DPYS: variants seen among roughly 807,000 people sequenced by gnomAD.
DPYS encodes the protein dihydropyrimidine amidohydrolase.
DPYS carries 39 observed loss-of-function variants against 50.3 expected under a neutral mutation model. The observed-to-expected ratio is 0.78, with a 90% confidence interval of 0.60 to 1.01. The LOEUF (loss-of-function observed/expected upper bound fraction) is 1.01. Among genes scored for constraint, DPYS ranks in the 50% least tolerant of loss-of-function variants. The pLI is 0.00. For synonymous variants in DPYS, 245 were observed against 250.7 expected (o/e 0.98, Z 0.22); for missense variants, 659 against 680.9 (o/e 0.97, Z 0.36).
intron 4 of DPYS, among the ~76,000 whole-genome samples, chr8:104,429,977 C>T (rs959354216): frequency 1.3e-5 from 2 of 152,102 alleles, no homozygotes; most frequent in African/African-American, 4.8e-5. Context: ...GGTACAAGAG[C>T]CATTCTAATG....
In DPYS at chr8:104,417,018, CTA is replaced by C. The variant is rs3838709; in HGVS notation, c.1235+7227_1235+7228del. ...AATATAAAGTTAAATTCATTTATCT[CTA>C]TCTTCAATGAGAAAAGGAAGGAAAT... is the stretch of plus-strand genomic sequence containing the variant. On this transcript the variant is annotated intron_variant, in intron 7 of 9. Coordinates refer to ENST00000351513, the MANE Select transcript of DPYS (RefSeq NM_001385.3). 2.1e-4 allele frequency among the ~76,000 whole-genome samples: 32 copies of C among 152,270 alleles called. 1 individual carries two copies. The East Asian group carries it at 6.2e-3, about 29-fold the overall frequency.
intron 1 of DPYS, among the ~76,000 whole-genome samples, chr8:104,459,757 T>C (rs1317152738): frequency 3.9e-5 from 6 of 152,220 alleles, no homozygotes; most frequent in African/African-American, 1.4e-4. Flanking sequence ...CCAGGGAAGA[T>C]TGACTTATCA....
intron 7 of DPYS, 194 bp downstream of exon 7, chr8:104,424,053 T>C: frequency 1.8e-5 from 18 of 984,654 alleles, no homozygotes; most frequent in Non-Finnish European, 2.1e-5. Context: ...AACTTCTACA[T>C]CCTCTATGCC....
At chr8:104,380,276 A>G (rs1474343562) in intron 9 of DPYS, among the ~76,000 whole-genome samples, 1 of 152,242 alleles carries the variant, frequency 6.6e-6, no homozygotes, top group African/African-American at 2.4e-5. Flanking sequence ...GTAGAAAACC[A>G]GACCGTTGTC....
chr8:104,417,561 T>C (rs764233290), intron 7 of DPYS, among the ~76,000 whole-genome samples: 19 of 152,208 alleles, frequency 1.2e-4, no homozygotes, highest in African/African-American at 4.8e-5. Flanking sequence ...GACATTCAGA[T>C]ATGGAAAACG....
At chr8:104,429,761 C>T in intron 4 of DPYS, 60 bp from the exon 5 acceptor site, 1 of 1,598,918 alleles carries the variant, frequency 6.3e-7, no homozygotes. Context: ...GACCATATGA[C>T]AAACACATAA....
rs1025331701 is a variant in DPYS, at chr8:104,392,936, T to C, written c.1291A>G (p.Met431Val). 2 of 1,614,114 alleles carry C rather than the reference T, an allele frequency of 1.2e-6. No homozygotes were observed. The highest frequency in any genetic ancestry group is 1.7e-6 in the Non-Finnish European group (2 of 1,180,052). Residue 431 changes from methionine to valine, a missense_variant, in exon 8 of 10, where the codon ATG becomes GTG. Physicochemically the swap from Met to Val is conservative, Grantham distance 21 (BLOSUM62 1). Coordinates refer to ENST00000351513, the MANE Select transcript of DPYS (RefSeq NM_001385.3). Reference sequence around the variant, plus strand: ...ACAAGGGGCACCCCGTGGCAAACCATGCCCTCGAAAATGTTGAAGTTAACA... The same window carrying C: ...ACAAGGGGCACCCCGTGGCAAACCACGCCCTCGAAAATGTTGAAGTTAACA... ...QAVNFNIFEG[M>V]VCHGVPLVTI...
chr8:104,451,290 A>G lies in DPYS; in HGVS notation c.379T>C (p.Cys127Arg). The G allele has an allele frequency of 6.2e-7, 1 of 1,614,176 alleles. No individual in the cohort carries two copies. The highest frequency in any genetic ancestry group is 8.5e-7 in the Non-Finnish European group (1 of 1,180,022). The change falls in exon 2 of 10, where the codon TGC becomes CGC. Residue 127 changes from cysteine to arginine, a missense_variant. By Grantham distance (180) the Cys-to-Arg change is radical. Coordinates refer to ENST00000351513, the MANE Select transcript of DPYS (RefSeq NM_001385.3). ...WRSWADPKVC[C>R]DYSLHVAVTW... ...ACTGCCACATGAAGGCTGTAGTCGC[A>G]GCAAACTTTGGGATCAGCCCAGCTT... is the stretch of plus-strand genomic sequence containing the variant.
intron 9 of DPYS, chr8:104,380,873 CCT>C (rs1468224120): frequency 4.0e-6 from 1 of 248,520 alleles, no homozygotes; most frequent in Non-Finnish European, 8.0e-6. Context: ...AATTATACTC[CCT>C]GTCTTAAGTA....
chr8:104,430,139 C>T (rs2140649756), intron 4 of DPYS, among the ~76,000 whole-genome samples: 1 of 152,136 alleles, frequency 6.6e-6, no homozygotes, highest in South Asian at 2.1e-4. Flanking sequence ...AATTTGACTC[C>T]AGTGGTTCTA....
chr8:104,430,802 C>A (rs1004553041), intron 4 of DPYS, among the ~76,000 whole-genome samples: 1 of 152,122 alleles, frequency 6.6e-6, no homozygotes, highest in African/African-American at 2.4e-5. Context: ...AACCAAGTAT[C>A]AATAAAAGTT....
Position 104,451,315 on chromosome 8 carries a change from T to C in DPYS, c.354A>G (p.Arg118=). 6.2e-7 allele frequency: 1 copy of C among 1,614,166 alleles called. No individual in the cohort carries two copies. The highest frequency in any genetic ancestry group is 8.5e-7 in the Non-Finnish European group (1 of 1,180,016). ...GSLIEAFETW[R]SWADPKVCCD... ...AGCAAACTTTGGGATCAGCCCAGCT[T>C]CGCCAGGTCTCGAAGGCCTCAATGA... The change falls in exon 2 of 10, where the codon CGA becomes CGG. Residue 118 remains arginine (R), a synonymous_variant. Coordinates refer to ENST00000351513, the MANE Select transcript of DPYS (RefSeq NM_001385.3).
At chr8:104,399,482 CTGAGA>C (rs1811715739) in intron 7 of DPYS, among the ~76,000 whole-genome samples, 1 of 152,012 alleles carries the variant, frequency 6.6e-6, no homozygotes, top group Non-Finnish European at 1.5e-5. Flanking sequence ...CTATCCCATC[CTGAGA>C]CATGCAGGAG....
chr8:104,433,591 G>A, intron 4 of DPYS, among the ~76,000 whole-genome samples: 1 of 152,068 alleles, frequency 6.6e-6, no homozygotes, highest in East Asian at 1.9e-4. Flanking sequence ...CCAAGGTCAT[G>A]CCACTGAACT....
In DPYS at chr8:104,381,253, G is replaced by T; in HGVS notation, c.1505C>A (p.Ser502Tyr). The T allele has an allele frequency of 1.2e-6, 2 of 1,613,948 alleles. No individual in the cohort carries two copies. Among genetic ancestry groups the T allele is most frequent in the Non-Finnish European group, 1.7e-6 (2 of 1,180,026 alleles). Residue 502 changes from serine (S) to tyrosine (Y), a missense_variant, in exon 9 of 10, where the codon TCC becomes TAC. Ser to Tyr is a moderately radical substitution (Grantham distance 144). Coordinates refer to ENST00000351513, the MANE Select transcript of DPYS (RefSeq NM_001385.3). Reference protein sequence around the residue: ...PYKGEVATLKSRVTKEDATAG... With the variant: ...PYKGEVATLKYRVTKEDATAG... Reference sequence around the variant, plus strand: ...TGTGGCATCTTCTTTTGTCACTCTGGATTTCAGTGTGGCGACTTCTCCCTT... The same window carrying T: ...TGTGGCATCTTCTTTTGTCACTCTGTATTTCAGTGTGGCGACTTCTCCCTT...
At chr8:104,382,284 G>A (rs1472552331) in intron 8 of DPYS, among the ~76,000 whole-genome samples, 1 of 151,436 alleles carries the variant, frequency 6.6e-6, no homozygotes, top group Non-Finnish European at 1.5e-5. Context: ...GGAAATGGGG[G>A]GACTCCTGCC....
intron 4 of DPYS, among the ~76,000 whole-genome samples, chr8:104,430,687 T>C (rs1812924450): frequency 6.6e-6 from 1 of 152,200 alleles, no homozygotes; most frequent in African/African-American, 2.4e-5. Flanking sequence ...CCCTATTATT[T>C]CATAGATCCT....
intron 5 of DPYS, among the ~76,000 whole-genome samples, chr8:104,428,418 A>G (rs915037797): frequency 6.6e-6 from 1 of 152,374 alleles, no homozygotes. Flanking sequence ...CCGAGACTCC[A>G]TTTCTCATCT....
Position 104,451,263 on chromosome 8 carries a change from T to C in DPYS, c.406A>G (p.Thr136Ala), listed in dbSNP as rs772604479. 5 of 1,613,890 alleles carry C rather than the reference T, an allele frequency of 3.1e-6. No individual in the cohort carries two copies. Among genetic ancestry groups the C allele is most frequent in the Non-Finnish European group, 4.2e-6 (5 of 1,180,024 alleles). ...CCDYSLHVAV[T>A]WWSDQVKEEM... ...TGCTTTACCTGGTCACTCCACCACG[T>C]CACTGCCACATGAAGGCTGTAGTCG... Residue 136 changes from threonine to alanine, a missense_variant, in exon 2 of 10, where the codon ACG (threonine) becomes GCG (alanine). Transcript: ENST00000351513.
Sources: allele counts gnomAD v4.1 joint callset (sites outside exome capture counted in the v4.1 genomes callset), GRCh38; gene constraint gnomAD v4.1.1; transcripts MANE v1.5; gene names NCBI Gene and HGNC (gene_info 2026-07-23, HGNC 2026-07-21).